Variants in THOC2 observed in about 807,000 individuals in gnomAD.
THOC2 encodes THO complex 2.
A neutral mutation model predicts 128.4 loss-of-function variants in THOC2; 10 were observed. The ratio of observed to expected loss-of-function variants is 0.08; its 90% CI spans 0.05 to 0.13. THOC2 has a LOEUF of 0.13. THOC2 is among the 10% of genes least tolerant of loss of function. The probability of loss-of-function intolerance (pLI) is 1.00; values close to 1 mark genes in which losing one functional copy is unlikely to be tolerated. For missense variants in THOC2, 535 were observed against 1,155.7 expected (o/e 0.46, Z 7.79); for synonymous variants, 393 against 396.9 (o/e 0.99, Z 0.12).
In THOC2 at chrX:123,706,968, A is replaced by G. The variant is rs758969161; in HGVS notation, c.131-19T>C. 3.2e-5 allele frequency: 29 copies of G among 897,804 alleles called. No homozygotes were observed. The highest frequency in any genetic ancestry group is 5.9e-5 in the Admixed American group (2 of 33,817). 74.0% of individuals were successfully genotyped at this position (897,804 alleles called of 1,213,427 possible). ...TGGAAATCTGTTGAACATAAGAGAA[A>G]TAATGTAAGGATACAGTCTCTTGAA... On this transcript the variant is annotated intron_variant, in intron 2 of 38. Coordinates refer to ENST00000245838, the MANE Select transcript of THOC2 (RefSeq NM_001081550.2).
intron 7 of THOC2, among the ~76,000 whole-genome samples, chrX:123,690,697 C>T (rs147711139): frequency 3.5e-4 from 39 of 111,555 alleles, no homozygotes; most frequent in African/African-American, 1.2e-3. Flanking sequence ...GGCAAGAAAA[C>T]GGAATTATAG....
At chrX:123,714,536 G>C (rs1373719611) in intron 1 of THOC2, among the ~76,000 whole-genome samples, 1 of 111,980 alleles carries the variant, frequency 8.9e-6, no homozygotes, top group Non-Finnish European at 1.9e-5. Context: ...AGTAATAGTA[G>C]GGAATTTCAT....
chrX:123,706,905 CT>C lies in THOC2; in HGVS notation c.174del (p.Gly59GlufsTer3). The stretch of plus-strand genomic sequence containing the variant: ...GATGCCTGTTCATGCTTTAGATTTC[CT>C]TTAATTACATGATATGACAACTCAT... ...ALYELSYHVI[K>X]GNLKHEQASN... On this transcript the variant is annotated frameshift_variant, in exon 3 of 39. Coordinates refer to ENST00000245838, the MANE Select transcript of THOC2 (RefSeq NM_001081550.2). LOFTEE classifies it high-confidence loss of function. 1 of 1,166,521 alleles carries C rather than the reference CT, an allele frequency of 8.6e-7. No homozygotes were observed. The highest frequency in any genetic ancestry group is 2.5e-4 in the Middle Eastern group (1 of 4,007).
intron 38 of THOC2, among the ~76,000 whole-genome samples, chrX:123,608,869 A>G (rs1196934130): frequency 8.9e-6 from 1 of 112,638 alleles, no homozygotes; most frequent in African/African-American, 3.2e-5. Flanking sequence ...TACTTTTAAA[A>G]GAACATCTGA....
At chrX:123,694,000 G>A (rs976440368) in intron 7 of THOC2, among the ~76,000 whole-genome samples, 1 of 111,132 alleles carries the variant, frequency 9.0e-6, no homozygotes, top group Non-Finnish European at 1.9e-5. Context: ...CTCCCTGAGA[G>A]TAAAGTTCAA....
intron 5 of THOC2, 45 bp from the exon 6 acceptor site, chrX:123,696,887 T>A: frequency 9.8e-7 from 1 of 1,015,812 alleles, no homozygotes; most frequent in Non-Finnish European, 1.3e-6. Flanking sequence ...TAGCATTGCA[T>A]CCACAATGTT....
At chrX:123,604,170 T>A (rs749213822) in intron 38 of THOC2, among the ~76,000 whole-genome samples, 1 of 111,921 alleles carries the variant, frequency 8.9e-6, no homozygotes, top group African/African-American at 3.2e-5. Flanking sequence ...TTCTCAAAAA[T>A]TTTCTACTCC....
intron 1 of THOC2, among the ~76,000 whole-genome samples, chrX:123,725,384 GACCAGCCTA>G (rs1372568741): frequency 1.1e-5 from 1 of 93,694 alleles, no homozygotes; most frequent in Non-Finnish European, 2.1e-5. Context: ...AGGAGTACAA[GACCAGCCTA>G]GCCAGCCTAG....
At position 123,712,965 on chromosome X, in the gene THOC2, T is replaced by C. The variant is rs751495636; in HGVS notation, c.72-57A>G. 1.0e-4 allele frequency: 88 copies of C among 849,164 alleles called. No individual in the cohort carries two copies. In the South Asian group the frequency reaches 1.9e-3, roughly 19 times the overall value. The allele number at this position is 849,164 out of a possible 1,213,427, so 70.0% of individuals were successfully genotyped here. A position where few individuals can be genotyped will look rare whatever the true frequency, so the allele number is the denominator to read the frequency against. ...TTCCACCCTAACATGAGATGATTCT[T>C]ATAAAGCAAATTATATCAACTGGCA... is the stretch of plus-strand genomic sequence containing the variant. On this transcript the variant is annotated intron_variant, in intron 1 of 38. Coordinates refer to ENST00000245838, the MANE Select transcript of THOC2 (RefSeq NM_001081550.2).
At chrX:123,707,884 T>C (rs749284238) in intron 2 of THOC2, among the ~76,000 whole-genome samples, 1 of 108,834 alleles carries the variant, frequency 9.2e-6, no homozygotes, top group East Asian at 2.9e-4. Flanking sequence ...TCCCAACACT[T>C]TGTGGGGCCA....
At chrX:123,703,690 C>G (rs1404865952) in intron 3 of THOC2, among the ~76,000 whole-genome samples, 185 bp from the exon 4 acceptor site, 3 of 91,423 alleles carry the variant, frequency 3.3e-5, no homozygotes, top group Non-Finnish European at 6.3e-5. Context: ...AAGTTTGGGA[C>G]CAGCCTGGAC....
chrX:123,671,825 A>C (rs2147819315), intron 8 of THOC2, 64 bp from the exon 9 acceptor site: 5 of 636,832 alleles, frequency 7.9e-6, no homozygotes. Context: ...AATATCCTTC[A>C]CCTACCAATA....
At position 123,600,804 on chromosome X, in the gene THOC2, T is replaced by A. The variant is rs1276832693; in HGVS notation, c.*553A>T. 1 of 112,467 alleles carries A rather than the reference T, an allele frequency of 8.9e-6. No homozygotes were observed. Among genetic ancestry groups the A allele is most frequent in the Non-Finnish European group, 1.9e-5 (1 of 53,273 alleles). The allele number at this position is 112,467 out of a possible 1,213,427, so 9.3% of individuals were successfully genotyped here. A position where few individuals can be genotyped will look rare whatever the true frequency, so the allele number is the denominator to read the frequency against. ...GGACAAGTGATCGCTGGTACCTTTT[T>A]CTTTTTTAAACACGTTTAATGTTGT... On this transcript the variant is annotated 3_prime_UTR_variant, in exon 39 of 39. Transcript: ENST00000245838.
rs765077700 is a variant in THOC2 at position 123,627,770 on chromosome X, C to G, written c.2680G>C (p.Val894Leu). 8.3e-7 allele frequency: 1 copy of G among 1,209,502 alleles called. No homozygotes were observed. Among genetic ancestry groups the G allele is most frequent in the African/African-American group, 1.7e-5 (1 of 57,197 alleles). ...TCTCGTTCATAGCTGGTGTGTGGAA[C>G]TGCAAGGTCATACATTGTCAATGAC... ...FWSLTMYDLA[V>L]PHTSYEREVN... The change falls in exon 23 of 39, where the codon GTT becomes CTT. Residue 894 changes from valine (V) to leucine (L), a missense_variant. Val to Leu is a conservative substitution (Grantham distance 32). Around this residue, in one of 9 missense-constraint regions of THOC2, gnomAD observed 90 missense variants for 298.6 expected, o/e 0.30. Transcript: ENST00000245838.
chrX:123,646,553 A>G (rs1160752221), intron 12 of THOC2, among the ~76,000 whole-genome samples: 1 of 112,353 alleles, frequency 8.9e-6, no homozygotes, highest in African/African-American at 3.2e-5. Context: ...CAGTAATATA[A>G]TGGATATTAC....
intron 8 of THOC2, among the ~76,000 whole-genome samples, chrX:123,685,512 A>G (rs1438514436): frequency 2.7e-5 from 3 of 112,065 alleles, no homozygotes; most frequent in Non-Finnish European, 5.6e-5. Flanking sequence ...ATAAGGAACT[A>G]CAGGAACAAA....
intron 15 of THOC2, 22 bp downstream of exon 15, chrX:123,644,553 T>C (rs2048052411): frequency 1.9e-6 from 2 of 1,054,416 alleles, no homozygotes; most frequent in East Asian, 3.1e-5. Flanking sequence ...TAGATTAATA[T>C]GAAAAATAAA....
intron 8 of THOC2, among the ~76,000 whole-genome samples, chrX:123,682,778 T>C (rs749266759): frequency 3.6e-5 from 4 of 111,906 alleles, no homozygotes; most frequent in African/African-American, 1.3e-4. Context: ...TGCACAAATA[T>C]AGATTCTCAA....
chrX:123,609,937 G>T (rs1244468336), intron 38 of THOC2, among the ~76,000 whole-genome samples: 1 of 110,791 alleles, frequency 9.0e-6, no homozygotes, highest in Non-Finnish European at 1.9e-5. Flanking sequence ...GCTGAGGCAG[G>T]AGAATCGCTT....
Sources: allele counts gnomAD v4.1 joint callset (sites outside exome capture counted in the v4.1 genomes callset), GRCh38; gene constraint gnomAD v4.1.1; regional missense constraint gnomAD v4.1.1; transcripts MANE v1.5; gene names NCBI Gene and HGNC (gene_info 2026-07-23, HGNC 2026-07-21).